KCNN2: variants seen among roughly 807,000 people sequenced by gnomAD.
KCNN2 encodes small conductance calcium-activated potassium channel protein 2.
Under a neutral mutation model 55.5 loss-of-function variants are expected in KCNN2, and 24 were observed. That is an observed-to-expected ratio of 0.43 (90% CI 0.31 to 0.61). The LOEUF (loss-of-function observed/expected upper bound fraction) is 0.61. Among genes scored for constraint, KCNN2 ranks in the 20% least tolerant of loss-of-function variants. The pLI, the probability that KCNN2 is intolerant of heterozygous loss-of-function variation, is 0.08. For missense variants in KCNN2, 754 were observed against 853.6 expected (o/e 0.88, Z 1.45); for synonymous variants, 431 against 336.1 (o/e 1.28, Z -3.09).
intron 6 of KCNN2, among the ~76,000 whole-genome samples, chr5:114,491,778 T>A (rs1747869942): frequency 6.6e-6 from 1 of 152,132 alleles, no homozygotes; most frequent in Non-Finnish European, 1.5e-5. Flanking sequence ...AGAGTAAGGA[T>A]GGAATCCACT....
chr5:114,255,740 A>T (rs1219924637), intron 2 of KCNN2, among the ~76,000 whole-genome samples: 1 of 152,158 alleles, frequency 6.6e-6, no homozygotes, highest in Non-Finnish European at 1.5e-5. Context: ...GAGATGATAG[A>T]GGCATAAACT....
At chr5:114,076,518 C>T (rs558764164) in intron 1 of KCNN2, among the ~76,000 whole-genome samples, 2 of 152,310 alleles carry the variant, frequency 1.3e-5, no homozygotes, top group South Asian at 4.1e-4. Context: ...ACACAAAAAA[C>T]TTATGTCACT....
At chr5:114,276,087 T>C (rs2416365) in intron 2 of KCNN2, among the ~76,000 whole-genome samples, 136,527 of 152,144 alleles carry the variant, frequency 0.9, 61,666 homozygotes, top group East Asian at 0.94. Context: ...TCGTTATGTA[T>C]CCAGTAGTCA....
chr5:114,100,303 G>T (rs140803898), intron 1 of KCNN2, among the ~76,000 whole-genome samples: 3 of 152,198 alleles, frequency 2.0e-5, no homozygotes, highest in Admixed American at 6.5e-5. Flanking sequence ...TATAGATGGA[G>T]CTCTAGCTTT....
chr5:114,314,678 A>T (rs73779792), intron 2 of KCNN2, among the ~76,000 whole-genome samples: 6,846 of 152,168 alleles, frequency 0.045, 527 homozygotes, highest in African/African-American at 0.16. Context: ...AAATTTTACC[A>T]CCAAAAAGTT....
intron 1 of KCNN2, among the ~76,000 whole-genome samples, chr5:114,135,555 C>T (rs1014339472): frequency 5.9e-5 from 9 of 152,116 alleles, no homozygotes; most frequent in Non-Finnish European, 7.3e-5. Context: ...TCTAAAAATA[C>T]CAATATCAGG....
intron 1 of KCNN2, among the ~76,000 whole-genome samples, chr5:114,060,315 C>G (rs114255417): frequency 6.6e-6 from 1 of 152,226 alleles, no homozygotes; most frequent in Admixed American, 6.5e-5. Context: ...CAGCCTCCAC[C>G]CTCTCGTTGC....
chr5:114,114,929 A>G (rs1026238502), intron 1 of KCNN2, among the ~76,000 whole-genome samples: 1 of 152,160 alleles, frequency 6.6e-6, no homozygotes, highest in Non-Finnish European at 1.5e-5. Flanking sequence ...ACTTCTCAGG[A>G]GGTGTTTGCT....
chr5:114,144,178 C>G (rs566770959), intron 1 of KCNN2, among the ~76,000 whole-genome samples: 3 of 152,252 alleles, frequency 2.0e-5, no homozygotes, highest in Admixed American at 6.5e-5. Context: ...CAATTGTGAA[C>G]AGACTCATTA....
At chr5:114,472,624 T>G (rs879292712) in intron 4 of KCNN2, among the ~76,000 whole-genome samples, 2 of 152,174 alleles carry the variant, frequency 1.3e-5, no homozygotes, top group Non-Finnish European at 1.5e-5. Flanking sequence ...CTTGAAGGCC[T>G]GCTGATCTCA....
intron 3 of KCNN2, among the ~76,000 whole-genome samples, chr5:114,436,594 G>T (rs983003673): frequency 3.3e-5 from 5 of 152,046 alleles, no homozygotes; most frequent in African/African-American, 1.2e-4. Flanking sequence ...CGGTTGTTTG[G>T]TTTTTTCCTC....
At chr5:114,228,458 T>A (rs1364880409) in intron 2 of KCNN2, among the ~76,000 whole-genome samples, 1 of 152,082 alleles carries the variant, frequency 6.6e-6, no homozygotes, top group African/African-American at 2.4e-5. Context: ...GTTTAAAATG[T>A]ATAACTTTTA....
intron 1 of KCNN2, among the ~76,000 whole-genome samples, chr5:114,198,966 A>C (rs1272489974): frequency 6.6e-6 from 1 of 152,078 alleles, no homozygotes; most frequent in Admixed American, 6.6e-5. Context: ...ATCCAATGTA[A>C]GTTCAATGTT....
intron 1 of KCNN2, among the ~76,000 whole-genome samples, chr5:114,207,823 C>T (rs985292586): frequency 2.0e-5 from 3 of 152,232 alleles, no homozygotes; most frequent in Non-Finnish European, 2.9e-5. Context: ...CAGCCCTTTA[C>T]ATGCCGAGAG....
intron 2 of KCNN2, among the ~76,000 whole-genome samples, chr5:114,291,254 A>G (rs1755880875): frequency 6.6e-6 from 1 of 152,074 alleles, no homozygotes; most frequent in African/African-American, 2.4e-5. Context: ...TTTGTTAAAT[A>G]TATATACATG....
chr5:114,307,604 A>G (rs1013739797), intron 2 of KCNN2, among the ~76,000 whole-genome samples: 1 of 152,228 alleles, frequency 6.6e-6, no homozygotes, highest in Non-Finnish European at 1.5e-5. Context: ...GTGGTCTCAA[A>G]GATGTCAGTA....
At chr5:114,322,580 C>CAT (rs1452615049) in intron 2 of KCNN2, among the ~76,000 whole-genome samples, 2 of 146,820 alleles carry the variant, frequency 1.4e-5, no homozygotes, top group Non-Finnish European at 3.0e-5. Context: ...CCCCCATACA[C>CAT]ACACACACAC....
At chr5:114,488,766 G>A (rs1747703306) in intron 6 of KCNN2, among the ~76,000 whole-genome samples, 2 of 152,226 alleles carry the variant, frequency 1.3e-5, no homozygotes, top group South Asian at 4.1e-4. Flanking sequence ...ATACTACACA[G>A]TAACCCCAAC....
chr5:114,084,341 A>G (rs1370774408), intron 1 of KCNN2, among the ~76,000 whole-genome samples: 1 of 151,984 alleles, frequency 6.6e-6, no homozygotes, highest in Non-Finnish European at 1.5e-5. Context: ...AAAGTTTGAT[A>G]TTGTCCATTT....
Sources: allele counts gnomAD v4.1 joint callset (sites outside exome capture counted in the v4.1 genomes callset), GRCh38; gene constraint gnomAD v4.1.1; transcripts MANE v1.5; gene names NCBI Gene and HGNC (gene_info 2026-07-23, HGNC 2026-07-21).